The following SNX29 variants were observed in gnomAD, a reference collection of about 807,000 sequenced individuals.
SNX29 encodes the protein sorting nexin 29.
Under a neutral mutation model 102.1 loss-of-function variants are expected in SNX29, and 78 were observed. The ratio of observed to expected loss-of-function variants is 0.76; its 90% CI spans 0.64 to 0.92. The LOEUF (loss-of-function observed/expected upper bound fraction) is 0.92, where lower values mean the gene tolerates loss of function less well. Among genes scored for constraint, SNX29 ranks in the 40% least tolerant of loss-of-function variants. The probability of loss-of-function intolerance (pLI) is 0.00; values close to 1 mark genes in which losing one functional copy is unlikely to be tolerated. For synonymous variants in SNX29, 580 were observed against 414.5 expected, an observed-to-expected ratio of 1.40 and a Z score of -4.85; for missense variants, 1,280 against 1,061.7, an observed-to-expected ratio of 1.21 and a Z score of -2.86.
intron 15 of SNX29, among the ~76,000 whole-genome samples, chr16:12,299,090 A>G (rs920277555): frequency 6.6e-6 from 1 of 152,030 alleles, no homozygotes; most frequent in African/African-American, 2.4e-5. Context: ...ACTTGAGGTC[A>G]GGAGTTCGAG....
chr16:12,138,479 C>T (rs1194071172), intron 13 of SNX29, among the ~76,000 whole-genome samples: 2 of 152,010 alleles, frequency 1.3e-5, no homozygotes, highest in Non-Finnish European at 2.9e-5. Flanking sequence ...AAGTGCTGGG[C>T]TTATAGGCGT....
intron 14 of SNX29, among the ~76,000 whole-genome samples, chr16:12,261,481 TGC>T (rs2078759738): frequency 1.1e-5 from 1 of 94,412 alleles, no homozygotes; most frequent in African/African-American, 4.0e-5. Context: ...CGGGTCTGTG[TGC>T]GCGCCCCCGG....
chr16:12,544,765 G>C (rs140348963), intron 20 of SNX29, among the ~76,000 whole-genome samples: 3 of 152,284 alleles, frequency 2.0e-5, no homozygotes, highest in Admixed American at 6.5e-5. Context: ...GCTCTGGGTC[G>C]CACAGCTGGT....
chr16:12,141,757 C>T (rs1378018182), intron 13 of SNX29, among the ~76,000 whole-genome samples: 1 of 152,164 alleles, frequency 6.6e-6, no homozygotes, highest in Non-Finnish European at 1.5e-5. Context: ...GTGAGGACGA[C>T]CAGAGGTCAC....
At chr16:12,523,646 C>G (rs1034163575) in intron 19 of SNX29, among the ~76,000 whole-genome samples, 1 of 152,212 alleles carries the variant, frequency 6.6e-6, no homozygotes, top group African/African-American at 2.4e-5. Flanking sequence ...AGTGTGGACC[C>G]TCTGTGACAG....
chr16:12,162,553 C>G (rs937634326), intron 13 of SNX29, among the ~76,000 whole-genome samples: 1 of 152,236 alleles, frequency 6.6e-6, no homozygotes, highest in East Asian at 1.9e-4. Flanking sequence ...ACTAAAACTT[C>G]ATTCACAGAA....
chr16:12,009,628 C>T (rs1191848569), intron 3 of SNX29, among the ~76,000 whole-genome samples: 1 of 151,980 alleles, frequency 6.6e-6, no homozygotes, highest in Non-Finnish European at 1.5e-5. Flanking sequence ...GAAGCCTCCC[C>T]AGGAGGAAGT....
intron 18 of SNX29, among the ~76,000 whole-genome samples, chr16:12,431,349 TGAG>T (rs2085305689): frequency 6.6e-6 from 1 of 151,916 alleles, no homozygotes; most frequent in Non-Finnish European, 1.5e-5. Context: ...CAGGGGTCTG[TGAG>T]GAGGAGAGTA....
At chr16:12,389,809 A>T (rs1402117867) in intron 16 of SNX29, among the ~76,000 whole-genome samples, 1 of 152,190 alleles carries the variant, frequency 6.6e-6, no homozygotes, top group East Asian at 1.9e-4. Context: ...GAGAGGCTAA[A>T]AACAACCACA....
intron 20 of SNX29, among the ~76,000 whole-genome samples, chr16:12,554,253 C>T (rs117062866): frequency 1.3e-5 from 2 of 152,246 alleles, no homozygotes; most frequent in South Asian, 2.1e-4. Context: ...TGCATCGTCT[C>T]TGCCTTTTGG....
At chr16:12,358,536 CT>C (rs1392694588) in intron 16 of SNX29, among the ~76,000 whole-genome samples, 1 of 152,198 alleles carries the variant, frequency 6.6e-6, no homozygotes, top group East Asian at 1.9e-4. Flanking sequence ...CTTTTCACCT[CT>C]TCCTTTTTCT....
chr16:12,400,449 G>T (rs538551326), intron 17 of SNX29, among the ~76,000 whole-genome samples: 2 of 152,142 alleles, frequency 1.3e-5, no homozygotes, highest in Non-Finnish European at 2.9e-5. Context: ...AAATTGAGCC[G>T]GGTTTCAAAC....
chr16:12,025,905 C>T (rs2057177701), intron 3 of SNX29, among the ~76,000 whole-genome samples: 1 of 152,154 alleles, frequency 6.6e-6, no homozygotes. Context: ...GCTTTTTATG[C>T]AGTTTTCAGG....
At chr16:12,200,181 C>T (rs1056602343) in intron 14 of SNX29, among the ~76,000 whole-genome samples, 3 of 152,096 alleles carry the variant, frequency 2.0e-5, no homozygotes, top group Admixed American at 6.5e-5. Context: ...TCCATGTAGA[C>T]GTCTTAGCAT....
At chr16:12,190,833 C>A (rs1369379972) in intron 13 of SNX29, among the ~76,000 whole-genome samples, 1 of 151,872 alleles carries the variant, frequency 6.6e-6, no homozygotes, top group Non-Finnish European at 1.5e-5. Context: ...CTGGGTAGAA[C>A]CCGGGAGGAG....
intron 18 of SNX29, among the ~76,000 whole-genome samples, chr16:12,418,065 T>A (rs777232466): frequency 2.6e-5 from 4 of 152,170 alleles, no homozygotes; most frequent in Admixed American, 6.5e-5. Context: ...TTGTCTTACA[T>A]TGGAGGATTC....
At position 12,061,745 on chromosome 16, in the gene SNX29, G is replaced by A. The variant is rs540529652; in HGVS notation, c.1243+99G>A. On this transcript the variant is annotated intron_variant, in intron 9 of 20. Coordinates refer to ENST00000566228, the MANE Select transcript of SNX29 (RefSeq NM_032167.5). Reference sequence around the variant, plus strand: ...CCCTGGACAGGTAGGAATGGGAGCCGGGAGGCACGGGAGTCGGGGTGTGGT... The same window carrying A: ...CCCTGGACAGGTAGGAATGGGAGCCAGGAGGCACGGGAGTCGGGGTGTGGT... 3.4e-4 allele frequency: 334 copies of A among 985,276 alleles called. 3 individuals carry two copies. In the East Asian group the frequency reaches 5.2e-3, roughly 15 times the overall value. The allele number at this position is 985,276 out of a possible 1,614,324, so 61.0% of individuals were successfully genotyped here.
intron 14 of SNX29, among the ~76,000 whole-genome samples, chr16:12,252,403 T>C (rs1298780472): frequency 6.6e-6 from 1 of 152,218 alleles, no homozygotes; most frequent in Non-Finnish European, 1.5e-5. Flanking sequence ...CCCACTTCTT[T>C]AGCAACTGGC....
intron 19 of SNX29, among the ~76,000 whole-genome samples, chr16:12,519,210 C>T (rs1228007269): frequency 1.3e-5 from 2 of 152,200 alleles, no homozygotes; most frequent in Non-Finnish European, 2.9e-5. Context: ...ACAAAACATA[C>T]CTGTGGGTCA....
Sources: allele counts gnomAD v4.1 joint callset (sites outside exome capture counted in the v4.1 genomes callset), GRCh38; gene constraint gnomAD v4.1.1; transcripts MANE v1.5; gene names NCBI Gene and HGNC (gene_info 2026-07-23, HGNC 2026-07-21).